Variants in NRG1 observed in about 807,000 individuals in gnomAD.
NRG1 encodes neuregulin 1, also known as pro-neuregulin-1, membrane-bound isoform.
A neutral mutation model predicts 63.8 loss-of-function variants in NRG1; 18 were observed. The observed-to-expected ratio is 0.28, with a 90% CI of 0.19 to 0.42. NRG1 has a LOEUF of 0.42. Among genes scored for constraint, NRG1 ranks in the 10% least tolerant of loss-of-function variants. The pLI is 1.00. For missense variants in NRG1, 762 were observed against 814.7 expected (o/e 0.94, Z 0.79); for synonymous variants, 302 against 301.3 (o/e 1.00, Z -0.02).
chr8:32,616,843 A>G, exon 5 of NRG1: 1 of 1,601,330 alleles, frequency 6.2e-7, no homozygotes. Flanking sequence ...AGAGTCTCCC[A>G]TTAGAATATC....
At chr8:32,099,368 C>T (rs543761997) in intron 1 of NRG1, 6 of 152,586 alleles carry the variant, frequency 3.9e-5, no homozygotes, top group African/African-American at 1.4e-4. Context: ...TCTCCTGCTC[C>T]CAACAACCTG....
intron 1 of NRG1, among the ~76,000 whole-genome samples, chr8:32,535,537 G>C (rs1401697136): frequency 6.6e-6 from 1 of 152,130 alleles, no homozygotes; most frequent in African/African-American, 2.4e-5. Context: ...CAACTCTTCA[G>C]GTCCTCCTTG....
At chr8:32,620,658 A>G (rs998042248) in intron 5 of NRG1, among the ~76,000 whole-genome samples, 4 of 151,788 alleles carry the variant, frequency 2.6e-5, no homozygotes, top group Non-Finnish European at 5.9e-5. Flanking sequence ...CCTCATCTCT[A>G]TAAAAAAATA....
intron 1 of NRG1, among the ~76,000 whole-genome samples, chr8:31,741,952 G>C (rs150277714): frequency 1.3e-5 from 2 of 152,074 alleles, no homozygotes; most frequent in East Asian, 3.9e-4. Flanking sequence ...CCAAAAGTAG[G>C]ATATATAGAT....
chr8:32,765,550 A>G (rs929201014), exon 12 of NRG1: 1 of 152,070 alleles, frequency 6.6e-6, no homozygotes, highest in Non-Finnish European at 1.5e-5. Flanking sequence ...AATGTGGATG[A>G]CCACCCCTTT....
At chr8:32,280,680 G>GTTTTTTTTTTTTT (rs1235833561) in intron 1 of NRG1, among the ~76,000 whole-genome samples, 1 of 53,722 alleles carries the variant, frequency 1.9e-5, no homozygotes, top group African/African-American at 7.0e-5. Flanking sequence ...ACTGAATTAG[G>GTTTTTTTTTTTTT]TTTTTTTTTT....
chr8:32,248,146 C>A (rs1348073022), intron 1 of NRG1, among the ~76,000 whole-genome samples: 1 of 152,040 alleles, frequency 6.6e-6, no homozygotes, highest in Non-Finnish European at 1.5e-5. Flanking sequence ...AAAACATGTT[C>A]TGCAAACCTT....
intron 1 of NRG1, among the ~76,000 whole-genome samples, chr8:32,038,328 A>G (rs1386895216): frequency 2.6e-5 from 4 of 151,310 alleles, no homozygotes; most frequent in African/African-American, 7.3e-5. Flanking sequence ...GTCAGTCCCA[A>G]TTAGAGAACC....
chr8:32,654,318 C>T (rs962849170), intron 5 of NRG1, among the ~76,000 whole-genome samples: 5 of 152,128 alleles, frequency 3.3e-5, no homozygotes, highest in Non-Finnish European at 7.4e-5. Context: ...CACCCTATAG[C>T]AGATGTCTTC....
chr8:32,672,007 G>A (rs1805779415), intron 5 of NRG1, among the ~76,000 whole-genome samples: 1 of 151,550 alleles, frequency 6.6e-6, no homozygotes, highest in Non-Finnish European at 1.5e-5. Flanking sequence ...CTGGAAACTA[G>A]AGCCATTCTG....
intron 1 of NRG1, among the ~76,000 whole-genome samples, chr8:32,529,881 G>A (rs2129517165): frequency 6.6e-6 from 1 of 152,244 alleles, no homozygotes; most frequent in South Asian, 2.1e-4. Flanking sequence ...AGTAGAAGGA[G>A]TGCACTTAAA....
intron 1 of NRG1, among the ~76,000 whole-genome samples, chr8:32,019,871 G>A (rs906057505): frequency 6.6e-6 from 1 of 152,118 alleles, no homozygotes; most frequent in Non-Finnish European, 1.5e-5. Flanking sequence ...GTCTATTTCT[G>A]TAGTTTATTA....
At chr8:32,763,935 C>A in exon 12 of NRG1, 1 of 1,613,994 alleles carries the variant, frequency 6.2e-7, no homozygotes. Flanking sequence ...ACCACCAAGG[C>A]TGCGGGAGAA....
At chr8:31,941,094 A>G (rs1801680618) in intron 1 of NRG1, among the ~76,000 whole-genome samples, 1 of 152,090 alleles carries the variant, frequency 6.6e-6, no homozygotes, top group Non-Finnish European at 1.5e-5. Flanking sequence ...GGACATAACA[A>G]AAAACGAAAA....
intron 5 of NRG1, among the ~76,000 whole-genome samples, chr8:32,629,419 C>G (rs74625405): frequency 6.6e-6 from 1 of 152,026 alleles, no homozygotes; most frequent in South Asian, 2.1e-4. Flanking sequence ...TATTACTATG[C>G]CAGTTCCCAG....
chr8:32,062,732 A>G (rs1334144401), intron 1 of NRG1, among the ~76,000 whole-genome samples: 3 of 152,112 alleles, frequency 2.0e-5, no homozygotes, highest in Admixed American at 6.6e-5. Context: ...ATTAAAAGAA[A>G]CATGCTGGTT....
At chr8:31,793,692 A>G (rs1275953482) in intron 1 of NRG1, among the ~76,000 whole-genome samples, 1 of 152,214 alleles carries the variant, frequency 6.6e-6, no homozygotes, top group Non-Finnish European at 1.5e-5. Flanking sequence ...AAACAAAAAC[A>G]AAGCTATATT....
chr8:32,535,638 T>C (rs955186980), intron 1 of NRG1, among the ~76,000 whole-genome samples: 2 of 152,228 alleles, frequency 1.3e-5, no homozygotes, highest in African/African-American at 4.8e-5. Flanking sequence ...AGAGACAGGA[T>C]GATCTACAAA....
chr8:32,759,473 G>T, intron 10 of NRG1, 37 bp downstream of exon 10: 1 of 1,605,468 alleles, frequency 6.2e-7, no homozygotes, highest in Non-Finnish European at 8.5e-7. Context: ...TTTTCTCTCA[G>T]AATGAATTGT....
Sources: allele counts gnomAD v4.1 joint callset (sites outside exome capture counted in the v4.1 genomes callset), GRCh38; gene constraint gnomAD v4.1.1; transcripts MANE v1.5; gene names NCBI Gene and HGNC (gene_info 2026-07-23, HGNC 2026-07-21).